Variants in CIITA observed in about 807,000 individuals in gnomAD.
CIITA encodes MHC class II transactivator.
In CIITA, 72 loss-of-function variants were observed where a neutral mutation model predicts 115.1. That is an observed-to-expected ratio of 0.63 (90% CI 0.52 to 0.76). The LOEUF (loss-of-function observed/expected upper bound fraction) is 0.76. Among genes scored for constraint, CIITA ranks in the 30% least tolerant of loss-of-function variants. CIITA has a pLI of 0.00. For missense variants in CIITA, 1,617 were observed against 1,463.8 expected, an observed-to-expected ratio of 1.10 and a Z score of -1.71; for synonymous variants, 763 against 635.6, an observed-to-expected ratio of 1.20 and a Z score of -3.02.
At chr16:10,910,167 A>C (rs767940503) in intron 12 of CIITA, 21 bp from the exon 13 acceptor site, 2 of 1,611,252 alleles carry the variant, frequency 1.2e-6, no homozygotes, top group Non-Finnish European at 1.7e-6. Flanking sequence ...TGCTCCCCCT[A>C]ACATTGCCTG....
intron 7 of CIITA, 46 bp from the exon 8 acceptor site, chr16:10,902,612 A>G (rs757381623): frequency 6.2e-7 from 1 of 1,612,910 alleles, no homozygotes; most frequent in Non-Finnish European, 8.5e-7. Context: ...AATCGCAAAC[A>G]CAGGTGCTAT....
At chr16:10,922,580 C>T (rs2040334210) in intron 18 of CIITA, 90 bp downstream of exon 18, 1 of 1,340,602 alleles carries the variant, frequency 7.5e-7, no homozygotes, top group Non-Finnish European at 1.1e-6. Context: ...CATGCTCTTC[C>T]CTTCACCAAT....
In CIITA at chr16:10,877,262, G is replaced by T; in HGVS notation, c.-69G>T. ...AGCTGGGCATCCGAAGGCATCCTTG[G>T]GGAAGCTGAGGGCACGAGGAGGGGC... On this transcript the variant is annotated 5_prime_UTR_variant, in exon 1 of 20. Transcript: ENST00000324288. 2.0e-6 allele frequency: 3 copies of T among 1,467,186 alleles called. No homozygotes were observed. The highest frequency in any genetic ancestry group is 1.9e-6 in the Non-Finnish European group (2 of 1,058,918). 90.9% of individuals were successfully genotyped at this position (1,467,186 alleles called of 1,614,324 possible).
At chr16:10,910,721 C>T (rs896207843) in intron 13 of CIITA, among the ~76,000 whole-genome samples, 3 of 152,196 alleles carry the variant, frequency 2.0e-5, no homozygotes, top group Admixed American at 1.3e-4. Flanking sequence ...CCCAATGTGT[C>T]CCCAACCTTC....
chr16:10,907,009 CG>C lies in CIITA; in HGVS notation c.1518del (p.Gln507LysfsTer51). On this transcript the variant is annotated frameshift_variant, in exon 11 of 20. Coordinates refer to ENST00000324288, the MANE Select transcript of CIITA (RefSeq NM_000246.4). LOFTEE classifies it high-confidence loss of function. The surrounding 1 kb of genome is among the most constrained non-coding windows in gnomAD (Gnocchi z 5.0). ...CTAGACGGCTTCGAGGAGCTGGAAG[CG>C]CAAGATGGCTTCCTGCACAGCACGT... ...LILDGFEELE[A>X]QDGFLHSTCG... 7 of 1,609,576 alleles carry C rather than the reference CG, an allele frequency of 4.3e-6. No homozygotes were observed. The highest frequency in any genetic ancestry group is 5.9e-6 in the Non-Finnish European group (7 of 1,179,842).
Position 10,879,314 on chromosome 16 carries a change from C to T in CIITA, c.52+1932C>T, listed in dbSNP as rs1330263583. On this transcript the variant is annotated intron_variant, in intron 1 of 19. Coordinates refer to ENST00000324288, the MANE Select transcript of CIITA (RefSeq NM_000246.4). The surrounding 1 kb of genome is among the most constrained non-coding windows in gnomAD (Gnocchi z 4.3). ...CAGGAAAGCCTGGCGGCAGCTTCTGCAGAGAAGCCGGAGCGCAGACTGGGA... is the reference window on the plus strand; with the variant it reads ...CAGGAAAGCCTGGCGGCAGCTTCTGTAGAGAAGCCGGAGCGCAGACTGGGA... Among the ~76,000 whole-genome samples, 1 of 152,158 alleles carries T rather than the reference C, an allele frequency of 6.6e-6. No individual in the cohort carries two copies. The highest frequency in any genetic ancestry group is 1.9e-4 in the East Asian group (1 of 5,186).
Position 10,906,896 on chromosome 16 carries a change from G to A in CIITA, c.1404G>A (p.Leu468=). 6.2e-7 allele frequency: 1 copy of A among 1,613,460 alleles called. No individual in the cohort carries two copies. The highest frequency in any genetic ancestry group is 8.5e-7 in the Non-Finnish European group (1 of 1,180,026). The change falls in exon 11 of 20, where the codon CTG becomes CTA. Residue 468 remains leucine (L), a synonymous_variant. Transcript: ENST00000324288. ...RPGDAYGLQD[L]LFSLGPQPLV... ...GGGATGCCTATGGCCTGCAGGATCT[G>A]CTCTTCTCCCTGGGCCCACAGCCAC...
chr16:10,911,426 CTTTCTTTCTTTCCTTCT>C (rs1301446720), intron 13 of CIITA, among the ~76,000 whole-genome samples: 5 of 145,506 alleles, frequency 3.4e-5, no homozygotes, highest in African/African-American at 5.1e-5. Context: ...CTCTCTCTTT[CTTTCTTTCTTTCCTTCT>C]TTTCTTTCTT....
Position 10,942,234 on chromosome 16 carries a change from C to A in CIITA, n.1360C>A, listed in dbSNP as rs948916558. 22 of 377,166 alleles carry A rather than the reference C, an allele frequency of 5.8e-5. No homozygotes were observed. The highest frequency in any genetic ancestry group is 1.5e-4 in the Admixed American group (3 of 20,102). The allele number at this position is 377,166 out of a possible 1,614,324, so 23.4% of individuals were successfully genotyped here. On this transcript the variant is annotated non_coding_transcript_exon_variant, in exon 2 of 2. Transcript: ENST00000573379. The surrounding 1 kb of genome is among the most constrained non-coding windows in gnomAD (Gnocchi z 5.0). ...CCCAAGGATCTCTCGACCGCCCGGG[C>A]GGCGAGGCGGGCCCCCCTGAAGTGG...
At chr16:10,877,516 C>G (rs2035944900) in intron 1 of CIITA, 134 bp downstream of exon 1, 1 of 947,774 alleles carries the variant, frequency 1.1e-6, no homozygotes, top group Middle Eastern at 2.2e-4. Context: ...CCTGCTGGGG[C>G]AGGCCATTGG....
In CIITA at chr16:10,942,293, C is replaced by G; in HGVS notation, n.1419C>G. ...TGCCCGGCTCCCTCGTGGCGCCTCC[C>G]TGGCGCTCGCAGGGCCTCGCAGAGC... On this transcript the variant is annotated non_coding_transcript_exon_variant, in exon 2 of 2. Coordinates refer to the CIITA transcript ENST00000573379. This position sits in a 1 kb window ranked among gnomAD's most constrained non-coding sequence, Gnocchi z 5.0. The G allele has an allele frequency of 3.2e-6, 1 of 314,424 alleles. No homozygotes were observed. The allele number at this position is 314,424 out of a possible 1,614,324, so 19.5% of individuals were successfully genotyped here. A position where few individuals can be genotyped will look rare whatever the true frequency, so the allele number is the denominator to read the frequency against.
intron 9 of CIITA, 129 bp downstream of exon 9, chr16:10,904,024 G>A (rs1276344652): frequency 1.5e-5 from 18 of 1,191,426 alleles, no homozygotes; most frequent in South Asian, 2.5e-5. Flanking sequence ...GGGGTCAGTC[G>A]GGACAGGGAG....
rs1274428439 is a variant in CIITA at position 10,908,064 on chromosome 16, G to A, written c.2572G>A (p.Asp858Asn). The part of the protein sequence containing the change: ...LGKALEAAGQ[D>N]FSLDLRSTGI... ...CAAGGCCTTGGAGGCGGCGGGCCAA[G>A]ACTTCTCCCTGGACCTCCGCAGCAC... The change falls in exon 11 of 20, where the codon GAC (aspartate) becomes AAC (asparagine). Residue 858 changes from aspartate to asparagine, a missense_variant. Physicochemically the swap from Asp to Asn is conservative, Grantham distance 23. Coordinates refer to ENST00000324288, the MANE Select transcript of CIITA (RefSeq NM_000246.4). The A allele has an allele frequency of 3.7e-6, 6 of 1,613,102 alleles. No individual in the cohort carries two copies. The East Asian group carries it at 1.1e-4, about 30-fold the overall frequency.
At chr16:10,903,356 G>C (rs1331655774) in intron 8 of CIITA, among the ~76,000 whole-genome samples, 1 of 152,166 alleles carries the variant, frequency 6.6e-6, no homozygotes, top group African/African-American at 2.4e-5. Context: ...CTCAAGTCCA[G>C]AGCATCCATT....
At position 10,929,279 on chromosome 16, in the gene CIITA, T is replaced by A; in HGVS notation, c.*5424T>A. On this transcript the variant is annotated 3_prime_UTR_variant, in exon 20 of 20. Coordinates refer to ENST00000324288, the MANE Select transcript of CIITA (RefSeq NM_000246.4). The surrounding 1 kb of genome is among the most constrained non-coding windows in gnomAD (Gnocchi z 4.3). ...CAGTTTGAAGTGTCCTCTCCGAAGG[T>A]GAAGTGGGGGAAGCAGGTGCGCTCC... 1 of 985,582 alleles carries A rather than the reference T, an allele frequency of 1.0e-6. No homozygotes were observed. The highest frequency in any genetic ancestry group is 1.2e-6 in the Non-Finnish European group (1 of 829,900). The allele number at this position is 985,582 out of a possible 1,614,324, so 61.1% of individuals were successfully genotyped here.
chr16:10,895,193 C>A, intron 1 of CIITA, 89 bp from the exon 2 acceptor site: 3 of 1,500,152 alleles, frequency 2.0e-6, no homozygotes, highest in Non-Finnish European at 2.8e-6. Flanking sequence ...TCATCCCCAG[C>A]CCTCACCAGC....
chr16:10,876,184 C>A (rs568033149), upstream of CIITA, among the ~76,000 whole-genome samples: 390 of 151,936 alleles, frequency 2.6e-3, 1 homozygote, highest in Non-Finnish European at 3.6e-3. Flanking sequence ...ACAAAAAAAA[C>A]CCCAACAATT....
intron 4 of CIITA, 70 bp downstream of exon 4, chr16:10,898,802 C>A: frequency 1.2e-6 from 2 of 1,603,632 alleles, no homozygotes; most frequent in Non-Finnish European, 1.7e-6. Context: ...GGGGGGTGCC[C>A]TAATACCTGA....
At chr16:10,893,813 A>AAAAAAAAT in intron 1 of CIITA, among the ~76,000 whole-genome samples, 1 of 139,086 alleles carries the variant, frequency 7.2e-6, no homozygotes, top group Admixed American at 7.0e-5. Context: ...TTAAAAAAAA[A>AAAAAAAAT]AAAAAAAAAA....
Sources: gnomAD v4.1 joint callset for allele counts (sites outside exome capture counted in the v4.1 genomes callset) on GRCh38, gnomAD v4.1.1 for gene constraint, Gnocchi (gnomAD v3.1) non-coding constraint, MANE v1.5 for transcripts, NCBI Gene and HGNC (gene_info 2026-07-23, HGNC 2026-07-21) for gene names.